FRYL: variants seen among roughly 807,000 people sequenced by gnomAD.
FRYL encodes FRY like transcription coactivator.
FRYL carries 150 observed loss-of-function variants against 351.2 expected under a neutral mutation model. The observed-to-expected ratio is 0.43, with a 90% CI of 0.37 to 0.49. The LOEUF is 0.49. FRYL is among the 20% of genes least tolerant of loss of function. The probability of loss-of-function intolerance (pLI) is 0.00; values close to 1 mark genes in which losing one functional copy is unlikely to be tolerated. For missense variants in FRYL, 3,036 were observed against 3,619.3 expected, an observed-to-expected ratio of 0.84 and a Z score of 4.13; for synonymous variants, 1,153 against 1,257.1, an observed-to-expected ratio of 0.92 and a Z score of 1.75.
rs1249946266 is a variant in FRYL at position 48,548,796 on chromosome 4, A to G, written c.4785-3T>C. The stretch of plus-strand genomic sequence containing the variant: ...AAAGGATCACTGCTATGTTACACCT[A>G]TGACAAATAAGAGTTTCATTAACGT... On this transcript the variant is annotated splice_region_variant and splice_polypyrimidine_tract_variant and intron_variant, in intron 39 of 63. Transcript: ENST00000358350. 1.9e-6 allele frequency: 3 copies of G among 1,543,940 alleles called. No individual in the cohort carries two copies. Among genetic ancestry groups the G allele is most frequent in the South Asian group, 1.2e-5 (1 of 84,826 alleles).
At chr4:48,635,819 A>AACCCC (rs1233878558) in intron 3 of FRYL, among the ~76,000 whole-genome samples, 5 of 152,188 alleles carry the variant, frequency 3.3e-5, no homozygotes, top group Non-Finnish European at 5.9e-5. Flanking sequence ...ACTGCCCTTG[A>AACCCC]ACCCCTTCCT....
intron 57 of FRYL, among the ~76,000 whole-genome samples, chr4:48,512,030 A>G (rs1031038421): frequency 1.3e-5 from 2 of 152,164 alleles, no homozygotes; most frequent in African/African-American, 2.4e-5. Flanking sequence ...TTTAGCTTGT[A>G]TTATCTTTAT....
chr4:48,610,504 T>C (rs1438230244), intron 7 of FRYL, among the ~76,000 whole-genome samples: 1 of 151,488 alleles, frequency 6.6e-6, no homozygotes, highest in Non-Finnish European at 1.5e-5. Context: ...ATAATGTATC[T>C]TTCCATGTCA....
rs1560799582 is a variant in FRYL, at chr4:48,656,338, T to TAC, written c.-80-21849_-80-21848insGT. On this transcript the variant is annotated intron_variant, in intron 3 of 63. Transcript: ENST00000358350. The stretch of plus-strand genomic sequence containing the variant: ...ATTACATAATATATACTAAATATAT[T>TAC]ATATAATATATACTAAATATATTAT... Among the ~76,000 whole-genome samples the TAC allele has an allele frequency of 1.3e-3, 169 of 126,564 alleles. 2 individuals carry two copies. Among genetic ancestry groups the TAC allele is most frequent in the African/African-American group, 4.5e-3 (155 of 34,694 alleles). 83.0% of individuals were successfully genotyped at this position (126,564 alleles called of 152,430 possible). A position where few individuals can be genotyped will look rare whatever the true frequency, so the allele number is the denominator to read the frequency against.
intron 27 of FRYL, among the ~76,000 whole-genome samples, chr4:48,568,612 T>C (rs1194250611): frequency 6.6e-6 from 1 of 152,166 alleles, no homozygotes; most frequent in Admixed American, 6.6e-5. Context: ...TCGGAATAAA[T>C]ACCCTAAACC....
intron 3 of FRYL, among the ~76,000 whole-genome samples, chr4:48,678,668 T>G (rs1764160876): frequency 6.6e-6 from 1 of 152,094 alleles, no homozygotes; most frequent in Non-Finnish European, 1.5e-5. Context: ...AATTTTTTTT[T>G]GCTTCCCCAT....
chr4:48,705,557 T>TAAA (rs35570215), intron 2 of FRYL, among the ~76,000 whole-genome samples: 6 of 144,340 alleles, frequency 4.2e-5, no homozygotes, highest in South Asian at 2.2e-4. Context: ...ATATTTTTCT[T>TAAA]AAAAAAAAAA....
At chr4:48,527,855 T>C in intron 52 of FRYL, 116 bp downstream of exon 52, 1 of 1,013,220 alleles carries the variant, frequency 9.9e-7, no homozygotes, top group South Asian at 1.7e-5. Flanking sequence ...TTTTTTTCAT[T>C]CTGAGTTAAT....
intron 18 of FRYL, 74 bp from the exon 19 acceptor site, chr4:48,586,802 A>G: frequency 9.8e-7 from 1 of 1,015,662 alleles, no homozygotes; most frequent in Middle Eastern, 2.1e-4. Flanking sequence ...TGGAAAAATA[A>G]CTACAGAAAG....
intron 3 of FRYL, among the ~76,000 whole-genome samples, chr4:48,678,030 A>C (rs1188910346): frequency 6.6e-6 from 1 of 152,234 alleles, no homozygotes; most frequent in Non-Finnish European, 1.5e-5. Flanking sequence ...CTATGTGTAC[A>C]TTGGTATGAA....
intron 3 of FRYL, among the ~76,000 whole-genome samples, chr4:48,661,346 C>A (rs1760677928): frequency 6.6e-6 from 1 of 152,142 alleles, no homozygotes; most frequent in Admixed American, 6.5e-5. Context: ...AGAATGATGA[C>A]CCCTGAGAGA....
At chr4:48,725,015 TAC>T (rs903095437) in intron 1 of FRYL, among the ~76,000 whole-genome samples, 4 of 152,192 alleles carry the variant, frequency 2.6e-5, no homozygotes, top group African/African-American at 9.7e-5. Context: ...AACCTAAGAA[TAC>T]ACATTTGACT....
chr4:48,605,856 C>T (rs2149264321), intron 10 of FRYL, 23 bp from the exon 11 acceptor site: 2 of 1,300,678 alleles, frequency 1.5e-6, no homozygotes, highest in South Asian at 1.3e-5. Flanking sequence ...GAGGTATATA[C>T]TTAGATTAAC....
chr4:48,534,342 C>T (rs965596033), intron 49 of FRYL, among the ~76,000 whole-genome samples: 5 of 152,138 alleles, frequency 3.3e-5, no homozygotes, highest in Admixed American at 2.0e-4. Context: ...ATTGTTAATA[C>T]GAAAAGTAGA....
rs767133747 is a variant in FRYL at position 48,623,111 on chromosome 4, C to G, written c.174+15G>C. 1 of 1,564,450 alleles carries G rather than the reference C, an allele frequency of 6.4e-7. No homozygotes were observed. Among genetic ancestry groups the G allele is most frequent in the African/African-American group, 1.4e-5 (1 of 72,356 alleles). ...ATTTCCAGGGGAAAAAAAAATTCTC[C>G]CAAAATTGTCATACCTGATCAAACT... On this transcript the variant is annotated intron_variant, in intron 5 of 63. Transcript: ENST00000358350.
At chr4:48,598,148 A>C (rs1744988783) in intron 13 of FRYL, among the ~76,000 whole-genome samples, 1 of 152,216 alleles carries the variant, frequency 6.6e-6, no homozygotes, top group Non-Finnish European at 1.5e-5. Context: ...CTGTAGTCTC[A>C]GCTTGAACTC....
chr4:48,653,846 C>A (rs1340824175), intron 3 of FRYL: 5 of 1,287,720 alleles, frequency 3.9e-6, no homozygotes, highest in East Asian at 1.1e-4. Flanking sequence ...GCAGAAGCAG[C>A]AGCAGCAGCG....
intron 3 of FRYL, among the ~76,000 whole-genome samples, chr4:48,682,372 C>G (rs930795864): frequency 6.6e-6 from 1 of 152,162 alleles, no homozygotes; most frequent in African/African-American, 2.4e-5. Flanking sequence ...GCAAAGACTT[C>G]ATGACTAAAA....
intron 55 of FRYL, among the ~76,000 whole-genome samples, chr4:48,518,559 G>T (rs1724158295): frequency 6.6e-6 from 1 of 152,148 alleles, no homozygotes. Flanking sequence ...TTCTTCAATG[G>T]TTACCTGCTG....
Sources: allele counts gnomAD v4.1 joint callset (sites outside exome capture counted in the v4.1 genomes callset), GRCh38; gene constraint gnomAD v4.1.1; transcripts MANE v1.5; gene names NCBI Gene and HGNC (gene_info 2026-07-23, HGNC 2026-07-21).